Variants in CHN2 observed in about 807,000 individuals in gnomAD.
CHN2 encodes chimerin 2, also known as beta-chimaerin.
CHN2 carries 35 observed loss-of-function variants against 56.3 expected under a neutral mutation model. That is an observed-to-expected ratio of 0.62 (90% confidence interval 0.47 to 0.82). The LOEUF (loss-of-function observed/expected upper bound fraction) is 0.82, where lower values mean the gene tolerates loss of function less well. CHN2 is among the 40% of genes least tolerant of loss of function. The pLI is 0.00. For missense variants in CHN2, 491 were observed against 580.5 expected (o/e 0.85, Z 1.58); for synonymous variants, 210 against 212.8 (o/e 0.99, Z 0.12).
At chr7:29,241,264 A>G (rs1787659690) in intron 1 of CHN2, among the ~76,000 whole-genome samples, 1 of 152,084 alleles carries the variant, frequency 6.6e-6, no homozygotes, top group Non-Finnish European at 1.5e-5. Flanking sequence ...GACAATTTGA[A>G]TGGTGACTAA....
At chr7:29,153,269 G>A (rs1451558432) in intron 2 of CHN2, among the ~76,000 whole-genome samples, 1 of 152,190 alleles carries the variant, frequency 6.6e-6, no homozygotes, top group Non-Finnish European at 1.5e-5. Context: ...GAAAGAGGCA[G>A]GCTTGGAAAT....
chr7:29,463,369 C>T (rs942492047), intron 6 of CHN2, among the ~76,000 whole-genome samples: 3 of 152,068 alleles, frequency 2.0e-5, no homozygotes, highest in Non-Finnish European at 2.9e-5. Context: ...AGCAGTTGAC[C>T]ACAGAGTAAC....
chr7:29,276,435 G>T (rs1389031709), intron 1 of CHN2, among the ~76,000 whole-genome samples: 1 of 152,138 alleles, frequency 6.6e-6, no homozygotes, highest in Non-Finnish European at 1.5e-5. Flanking sequence ...TGATTCTGTG[G>T]CAGGCATCAC....
Position 29,247,647 on chromosome 7 carries a change from G to A in CHN2, c.49+52657G>A, listed in dbSNP as rs557838874. Among the ~76,000 whole-genome samples, 370 of 152,244 alleles carry A rather than the reference G, an allele frequency of 2.4e-3. 1 individual carries two copies. Among genetic ancestry groups the A allele is most frequent in the African/African-American group, 8.4e-3 (349 of 41,548 alleles). On this transcript the variant is annotated intron_variant, in intron 1 of 12. Transcript: ENST00000222792. ...GGTGACAGAAAACAAAACAAAATACGCAAAAAAGCCTCACCGCCCCGATGG... is the reference window on the plus strand; with the variant it reads ...GGTGACAGAAAACAAAACAAAATACACAAAAAAGCCTCACCGCCCCGATGG...
At chr7:29,458,377 G>GCC (rs1262578320) in intron 6 of CHN2, among the ~76,000 whole-genome samples, 2 of 135,916 alleles carry the variant, frequency 1.5e-5, no homozygotes, top group African/African-American at 5.4e-5. Context: ...GCATAGCTGT[G>GCC]CACACACACA....
At chr7:29,235,904 G>A (rs1787158472) in intron 1 of CHN2, among the ~76,000 whole-genome samples, 1 of 152,190 alleles carries the variant, frequency 6.6e-6, no homozygotes, top group Non-Finnish European at 1.5e-5. Context: ...GTGGGAGGAG[G>A]ATGAGGATTC....
intron 2 of CHN2, among the ~76,000 whole-genome samples, chr7:29,188,294 A>AT (rs1798969140): frequency 6.6e-6 from 1 of 152,222 alleles, no homozygotes; most frequent in Non-Finnish European, 1.5e-5. Context: ...AGAATATAAG[A>AT]TTAAATAATT....
At chr7:29,394,297 A>G (rs1051662738) in intron 4 of CHN2, among the ~76,000 whole-genome samples, 2 of 152,202 alleles carry the variant, frequency 1.3e-5, no homozygotes, top group African/African-American at 4.8e-5. Context: ...CATGACCATA[A>G]AAATAATTCG....
intron 1 of CHN2, among the ~76,000 whole-genome samples, chr7:29,301,342 T>TACACACACACACAC (rs10570363): frequency 6.4e-5 from 9 of 141,600 alleles, no homozygotes; most frequent in African/African-American, 2.1e-4. Context: ...CTCAAACAGG[T>TACACACACACACAC]ACACACACAC....
At chr7:29,510,808 G>T (rs1312925193) in intron 12 of CHN2, among the ~76,000 whole-genome samples, 1 of 152,176 alleles carries the variant, frequency 6.6e-6, no homozygotes, top group Non-Finnish European at 1.5e-5. Flanking sequence ...ATTCCAGGAG[G>T]CATGGATCGC....
intron 3 of CHN2, among the ~76,000 whole-genome samples, chr7:29,391,679 G>T (rs1343341480): frequency 6.6e-6 from 1 of 152,108 alleles, no homozygotes; most frequent in African/African-American, 2.4e-5. Context: ...CCCTCTTTGG[G>T]GGTCTATGTT....
At chr7:29,171,991 G>T (rs550260961) in intron 2 of CHN2, among the ~76,000 whole-genome samples, 10 of 152,156 alleles carry the variant, frequency 6.6e-5, no homozygotes, top group South Asian at 4.1e-4. Flanking sequence ...ACAATGCAGG[G>T]TGCAGTGGGT....
chr7:29,254,515 ATGT>A (rs1310055328), intron 1 of CHN2, among the ~76,000 whole-genome samples: 1 of 152,294 alleles, frequency 6.6e-6, no homozygotes, highest in African/African-American at 2.4e-5. Flanking sequence ...GTTTTGATTA[ATGT>A]TGTTAGTTGC....
intron 1 of CHN2, among the ~76,000 whole-genome samples, chr7:29,222,174 A>G (rs1259404868): frequency 1.3e-5 from 2 of 152,214 alleles, no homozygotes; most frequent in Non-Finnish European, 2.9e-5. Flanking sequence ...GGACCTCTTC[A>G]AGGAGAACTA....
At chr7:29,450,372 G>A (rs1356561429) in intron 6 of CHN2, among the ~76,000 whole-genome samples, 1 of 152,172 alleles carries the variant, frequency 6.6e-6, no homozygotes, top group Admixed American at 6.5e-5. Flanking sequence ...TTGAGATGAA[G>A]AAGAATCTTG....
At chr7:29,340,403 G>C (rs549326738) in intron 1 of CHN2, among the ~76,000 whole-genome samples, 1 of 151,636 alleles carries the variant, frequency 6.6e-6, no homozygotes, top group Non-Finnish European at 1.5e-5. Flanking sequence ...GTTGCTTGGG[G>C]GGGGGCCTCA....
intron 2 of CHN2, among the ~76,000 whole-genome samples, chr7:29,176,180 C>T (rs573829752): frequency 6.7e-5 from 10 of 148,194 alleles, no homozygotes; most frequent in East Asian, 4.1e-4. Context: ...AGCAAGACTC[C>T]GTCTCAAGAA....
chr7:29,213,116 G>T lies in CHN2; in HGVS notation c.49+18126G>T, dbSNP rs1337361187. 1.5e-5 allele frequency: 24 copies of T among 1,589,496 alleles called. No individual in the cohort carries two copies. In the East Asian group the frequency reaches 4.2e-4, roughly 28 times the overall value. ...GCTGCCTTGGAAGCTGCAGGGGAAG[G>T]CCTTAATGTAATAAGCAAATGACTA... On this transcript the variant is annotated intron_variant, in intron 1 of 12. Transcript: ENST00000222792.
At chr7:29,403,683 A>C (rs1029759318) in intron 6 of CHN2, among the ~76,000 whole-genome samples, 2 of 151,730 alleles carry the variant, frequency 1.3e-5, no homozygotes, top group Non-Finnish European at 2.9e-5. Context: ...AAAAAAAAAA[A>C]GTTGTGATGG....
Sources: allele counts gnomAD v4.1 joint callset (sites outside exome capture counted in the v4.1 genomes callset), GRCh38; gene constraint gnomAD v4.1.1; transcripts MANE v1.5; gene names NCBI Gene and HGNC (gene_info 2026-07-23, HGNC 2026-07-21).